CCNY: variants seen among roughly 807,000 people sequenced by gnomAD.
The protein encoded by CCNY is cyclin Y.
A neutral mutation model predicts 42.8 loss-of-function variants in CCNY; 19 were observed. The ratio of observed to expected loss-of-function variants is 0.44; its 90% confidence interval spans 0.31 to 0.65. The LOEUF is 0.65. CCNY is among the 30% of genes least tolerant of loss of function. The pLI is 0.07. For missense variants in CCNY, 370 were observed against 437.3 expected, an observed-to-expected ratio of 0.85 and a Z score of 1.37; for synonymous variants, 165 against 162.7, an observed-to-expected ratio of 1.01 and a Z score of -0.11.
chr10:35,531,369 C>G (rs1252551679), intron 7 of CCNY, among the ~76,000 whole-genome samples: 1 of 152,228 alleles, frequency 6.6e-6, no homozygotes, highest in Non-Finnish European at 1.5e-5. Context: ...AACAGAAACC[C>G]TGTTGGCTTG....
At chr10:35,485,784 T>C (rs2135371023) in intron 2 of CCNY, among the ~76,000 whole-genome samples, 1 of 152,138 alleles carries the variant, frequency 6.6e-6, no homozygotes, top group Non-Finnish European at 1.5e-5. Flanking sequence ...ATGAATTCTT[T>C]AGTGACATGA....
chr10:35,465,938 A>AGAGAGAGAGAGAGAGAGAGAGG, intron 1 of CCNY, among the ~76,000 whole-genome samples: 1 of 80,960 alleles, frequency 1.2e-5, no homozygotes, highest in Admixed American at 1.3e-4. Flanking sequence ...AGAGAGAGAG[A>AGAGAGAGAGAGAGAGAGAGAGG]GTGTGTGTGT....
At chr10:35,506,261 G>A (rs1444016704) in intron 3 of CCNY, among the ~76,000 whole-genome samples, 1 of 152,156 alleles carries the variant, frequency 6.6e-6, no homozygotes, top group African/African-American at 2.4e-5. Context: ...GTATAGAAAA[G>A]TAACAGCAAT....
intron 4 of CCNY, among the ~76,000 whole-genome samples, chr10:35,520,039 A>T (rs1208886133): frequency 6.6e-6 from 1 of 152,186 alleles, no homozygotes; most frequent in Admixed American, 6.5e-5. Context: ...TGCTGAGATT[A>T]TAGGCGTCAG....
intron 3 of CCNY, among the ~76,000 whole-genome samples, chr10:35,322,849 G>A (rs1835836386): frequency 6.6e-6 from 1 of 152,210 alleles, no homozygotes; most frequent in South Asian, 2.1e-4. Flanking sequence ...GTATTGGTGA[G>A]AATGTAGGGC....
rs1392871933 is a variant in CCNY at position 35,553,007 on chromosome 10, T to C, written c.580-12T>C. On this transcript the variant is annotated splice_polypyrimidine_tract_variant and intron_variant, in intron 7 of 9. Coordinates refer to ENST00000374704, the MANE Select transcript of CCNY (RefSeq NM_145012.6). ...CAAATCACTTAGCTCTGGCATTGTC[T>C]TGTCTTCCCAGGTGTACCTTGAAAG... 6.2e-7 allele frequency: 1 copy of C among 1,611,680 alleles called. No individual in the cohort carries two copies. The highest frequency in any genetic ancestry group is 8.5e-7 in the Non-Finnish European group (1 of 1,178,014).
chr10:35,528,924 G>T (rs1044491778), intron 5 of CCNY, among the ~76,000 whole-genome samples: 1 of 152,160 alleles, frequency 6.6e-6, no homozygotes, highest in East Asian at 1.9e-4. Flanking sequence ...CACAGACTAT[G>T]GAAATTACAT....
chr10:35,277,457 G>A (rs1169520073), intron 3 of CCNY, among the ~76,000 whole-genome samples: 2 of 152,044 alleles, frequency 1.3e-5, no homozygotes, highest in African/African-American at 4.8e-5. Context: ...AACCTTCTCC[G>A]AGCCTCTGCT....
At chr10:35,511,397 C>G (rs1446575468) in intron 3 of CCNY, among the ~76,000 whole-genome samples, 1 of 152,150 alleles carries the variant, frequency 6.6e-6, no homozygotes, top group Admixed American at 6.5e-5. Flanking sequence ...GAGGGGTACC[C>G]AGCCCAGGTG....
intron 1 of CCNY, among the ~76,000 whole-genome samples, chr10:35,418,079 G>A (rs987852709): frequency 1.3e-5 from 2 of 152,224 alleles, no homozygotes; most frequent in Admixed American, 1.3e-4. Flanking sequence ...TGGGGTTTAT[G>A]CTGCAAAGTA....
At chr10:35,554,412 T>C (rs184022982) in intron 8 of CCNY, among the ~76,000 whole-genome samples, 3 of 152,350 alleles carry the variant, frequency 2.0e-5, no homozygotes, top group Non-Finnish European at 2.9e-5. Context: ...AAGAAGTTTT[T>C]TTAATCAGAA....
intron 1 of CCNY, among the ~76,000 whole-genome samples, chr10:35,476,784 T>C (rs2135354591): frequency 6.6e-6 from 1 of 150,574 alleles, no homozygotes. Flanking sequence ...ATAACTAAAA[T>C]CAGAGCAGAA....
Position 35,374,052 on chromosome 10 carries a change from CATTT to C in CCNY, c.154+36848_154+36851del, listed in dbSNP as rs577362584. On this transcript the variant is annotated intron_variant, in intron 1 of 9. Transcript: ENST00000374704. The stretch of plus-strand genomic sequence containing the variant: ...ATGACACATAATAAGGTGTTCATAA[CATTT>C]ATAGCAAGAGGTGCAGCTTACAGCG... 1.3e-4 allele frequency among the ~76,000 whole-genome samples: 20 copies of C among 152,268 alleles called. No individual in the cohort carries two copies. In the South Asian group the frequency reaches 3.9e-3, roughly 30 times the overall value.
intron 3 of CCNY, among the ~76,000 whole-genome samples, chr10:35,328,178 T>C (rs1271686866): frequency 1.3e-5 from 2 of 152,154 alleles, no homozygotes; most frequent in African/African-American, 4.8e-5. Flanking sequence ...GAAGGTGTTA[T>C]CACCAGGCAA....
chr10:35,426,103 C>T (rs1838259633), intron 1 of CCNY, among the ~76,000 whole-genome samples: 1 of 118,386 alleles, frequency 8.4e-6, no homozygotes, highest in African/African-American at 3.6e-5. Flanking sequence ...TTCACTGGTC[C>T]AGCACGCGCA....
At chr10:35,545,819 A>G (rs1469262853) in intron 7 of CCNY, among the ~76,000 whole-genome samples, 2 of 152,248 alleles carry the variant, frequency 1.3e-5, no homozygotes, top group East Asian at 1.9e-4. Context: ...TATTAATAAT[A>G]TAAATGTGTA....
intron 2 of CCNY, among the ~76,000 whole-genome samples, chr10:35,248,472 C>T (rs1292165237): frequency 6.6e-6 from 1 of 151,708 alleles, no homozygotes; most frequent in East Asian, 1.9e-4. Flanking sequence ...AGCGAAACCC[C>T]ATCTCTACAA....
intron 4 of CCNY, among the ~76,000 whole-genome samples, chr10:35,519,967 AT>A (rs1379517390): frequency 6.6e-6 from 1 of 151,342 alleles, no homozygotes; most frequent in African/African-American, 2.4e-5. Context: ...TTGTAGAGAC[AT>A]TTGTTTCACC....
At chr10:35,384,119 G>A (rs1456154913) in intron 1 of CCNY, among the ~76,000 whole-genome samples, 2 of 152,012 alleles carry the variant, frequency 1.3e-5, no homozygotes, top group Non-Finnish European at 2.9e-5. Flanking sequence ...TCATATTTTA[G>A]CAGAATAGCT....
Sources: allele counts gnomAD v4.1 joint callset (sites outside exome capture counted in the v4.1 genomes callset), GRCh38; gene constraint gnomAD v4.1.1; transcripts MANE v1.5; gene names NCBI Gene and HGNC (gene_info 2026-07-23, HGNC 2026-07-21).